ADGRD1: variants seen among roughly 807,000 people sequenced by gnomAD.
ADGRD1 encodes the protein G-protein coupled receptor 133.
A neutral mutation model predicts 113.4 loss-of-function variants in ADGRD1; 77 were observed. The ratio of observed to expected loss-of-function variants is 0.68; its 90% CI spans 0.57 to 0.82. The LOEUF (loss-of-function observed/expected upper bound fraction) is 0.82, where lower values mean the gene tolerates loss of function less well. Among genes scored for constraint, ADGRD1 ranks in the 40% least tolerant of loss-of-function variants. ADGRD1 has a pLI of 0.00. For missense variants in ADGRD1, 1,036 were observed against 1,139.1 expected, an observed-to-expected ratio of 0.91 and a Z score of 1.30; for synonymous variants, 474 against 475.0, an observed-to-expected ratio of 1.00 and a Z score of 0.03.
intron 13 of ADGRD1, among the ~76,000 whole-genome samples, chr12:131,043,818 G>A (rs1593107069): frequency 6.6e-6 from 1 of 152,240 alleles, no homozygotes; most frequent in East Asian, 1.9e-4. Flanking sequence ...TGGTTCCCTC[G>A]GGAGGATGTG....
At chr12:131,033,065 G>A (rs539960464) in intron 13 of ADGRD1, among the ~76,000 whole-genome samples, 5 of 152,344 alleles carry the variant, frequency 3.3e-5, no homozygotes, top group African/African-American at 1.2e-4. Flanking sequence ...GCTAAATGGC[G>A]CGCGACGAGC....
chr12:130,968,861 G>C, intron 3 of ADGRD1: 1 of 653,988 alleles, frequency 1.5e-6, no homozygotes, highest in Non-Finnish European at 2.7e-6. Flanking sequence ...AGTCCAGGGT[G>C]CTCTTGGATG....
intron 8 of ADGRD1, among the ~76,000 whole-genome samples, chr12:130,996,290 G>C (rs866541500): frequency 6.9e-6 from 1 of 144,860 alleles, no homozygotes. Context: ...TGAGCTGTTG[G>C]GTACACCTCC....
intron 24 of ADGRD1, among the ~76,000 whole-genome samples, chr12:131,138,464 T>C (rs1217738565): frequency 6.6e-6 from 1 of 152,194 alleles, no homozygotes; most frequent in Non-Finnish European, 1.5e-5. Context: ...TCAGGGCTTC[T>C]TGTGTTCACT....
intron 8 of ADGRD1, 120 bp from the exon 9 acceptor site, chr12:131,000,263 G>T: frequency 1.3e-6 from 1 of 743,682 alleles, no homozygotes; most frequent in Admixed American, 1.9e-5. Context: ...GTTGACTGCC[G>T]TGCATAAAAC....
intron 4 of ADGRD1, among the ~76,000 whole-genome samples, chr12:130,973,912 A>C (rs796601326): frequency 8.5e-5 from 13 of 152,162 alleles, no homozygotes; most frequent in African/African-American, 3.1e-4. Context: ...ACACAGTGAG[A>C]TCTTGTCTCT....
chr12:131,112,533 G>A (rs894137768), intron 18 of ADGRD1, among the ~76,000 whole-genome samples: 4 of 152,124 alleles, frequency 2.6e-5, no homozygotes, highest in Admixed American at 6.5e-5. Context: ...TGGTGTTGTC[G>A]CGGAGCCACC....
chr12:131,011,844 A>T (rs1161271136), intron 12 of ADGRD1, among the ~76,000 whole-genome samples: 2 of 152,218 alleles, frequency 1.3e-5, no homozygotes, highest in African/African-American at 4.8e-5. Flanking sequence ...AGAGAGTGAG[A>T]ACCAGGCTCC....
At chr12:131,065,591 C>T (rs1382282247) in intron 13 of ADGRD1, among the ~76,000 whole-genome samples, 1 of 152,128 alleles carries the variant, frequency 6.6e-6, no homozygotes, top group Non-Finnish European at 1.5e-5. Context: ...GTACGGATCT[C>T]AGGCGAGAGG....
intron 6 of ADGRD1, chr12:130,989,970 G>A (rs1292647527): frequency 6.6e-6 from 1 of 152,262 alleles, no homozygotes; most frequent in African/African-American, 2.4e-5. Flanking sequence ...CGTGGGAACT[G>A]GGACCGACTG....
intron 15 of ADGRD1, among the ~76,000 whole-genome samples, chr12:131,087,511 C>T (rs1449322015): frequency 6.6e-6 from 1 of 152,228 alleles, no homozygotes; most frequent in African/African-American, 2.4e-5. Flanking sequence ...CGTGCCGGGG[C>T]TTTCCGGCTC....
Position 131,050,532 on chromosome 12 carries a change from C to G in ADGRD1, c.1474-26269C>G, listed in dbSNP as rs1883277904. ...GACCTCTGCTCAGCTTCTGGGAAGG[C>G]CTCCGGGAGCTACAGTCATGGCAGA... On this transcript the variant is annotated intron_variant, in intron 13 of 24. Transcript: ENST00000261654. This position sits in a 1 kb window ranked among gnomAD's most constrained non-coding sequence, Gnocchi z 4.8. Among the ~76,000 whole-genome samples the G allele has an allele frequency of 6.6e-6, 1 of 152,060 alleles. No individual in the cohort carries two copies. Among genetic ancestry groups the G allele is most frequent in the Admixed American group, 6.5e-5 (1 of 15,270 alleles).
At chr12:131,035,537 TGCACCTTCAGACC>T (rs1566050769) in intron 13 of ADGRD1, 1 of 152,288 alleles carries the variant, frequency 6.6e-6, no homozygotes, top group East Asian at 1.9e-4. Context: ...GACTGCAGTC[TGCACCTTCAGACC>T]GCCTCTGCAT....
chr12:131,135,673 T>C (rs918868206), intron 21 of ADGRD1, among the ~76,000 whole-genome samples: 11 of 151,344 alleles, frequency 7.3e-5, no homozygotes, highest in Admixed American at 7.2e-4. Context: ...GGGGATGCTC[T>C]GCTGCTTCAG....
chr12:131,136,839 G>A, intron 22 of ADGRD1, 134 bp from the exon 23 acceptor site: 1 of 776,438 alleles, frequency 1.3e-6, no homozygotes. Context: ...CGTCCTCACG[G>A]GCCCCAGGTC....
chr12:131,078,654 C>G (rs1314984967), intron 14 of ADGRD1, among the ~76,000 whole-genome samples: 2 of 152,100 alleles, frequency 1.3e-5, no homozygotes, highest in Admixed American at 6.5e-5. Flanking sequence ...ATAACAAATG[C>G]AGGTACCCAT....
In ADGRD1 at chr12:131,139,184, C is replaced by A. The variant is rs1446884614; in HGVS notation, c.2546C>A (p.Pro849Gln). Residue 849 changes from proline (P) to glutamine (Q), a missense_variant, in exon 25 of 25, where the codon CCA becomes CAA. Coordinates refer to ENST00000261654, the MANE Select transcript of ADGRD1 (RefSeq NM_198827.5). ...FHSDLMNGTR[P>Q]GMASTKLSPW... ...GCTTTGCAGATGAATGGGACCCGGC[C>A]AGGCATGGCCTCCACCAAGCTCAGC... is the stretch of plus-strand genomic sequence containing the variant. 5 of 1,612,988 alleles carry A rather than the reference C, an allele frequency of 3.1e-6. No individual in the cohort carries two copies. Among genetic ancestry groups the A allele is most frequent in the African/African-American group, 2.7e-5 (2 of 74,934 alleles).
intron 20 of ADGRD1, among the ~76,000 whole-genome samples, chr12:131,121,659 C>T (rs1189165052): frequency 6.6e-6 from 1 of 152,162 alleles, no homozygotes; most frequent in Admixed American, 6.5e-5. Context: ...GGATTACAGG[C>T]GTGAGCCACT....
chr12:131,081,834 G>C (rs1483881756), intron 14 of ADGRD1, among the ~76,000 whole-genome samples: 1 of 152,054 alleles, frequency 6.6e-6, no homozygotes, highest in Non-Finnish European at 1.5e-5. Context: ...AATAGATTCA[G>C]TTACCATTTG....
Sources: gnomAD v4.1 joint callset for allele counts (sites outside exome capture counted in the v4.1 genomes callset) on GRCh38, gnomAD v4.1.1 for gene constraint, Gnocchi (gnomAD v3.1) non-coding constraint, MANE v1.5 for transcripts, NCBI Gene and HGNC (gene_info 2026-07-23, HGNC 2026-07-21) for gene names.